Variants in LDHAL6A observed in about 807,000 individuals in gnomAD.
The protein encoded by LDHAL6A is lactate dehydrogenase A like 6A, also known as L-lactate dehydrogenase A-like 6A.
LDHAL6A carries 19 observed loss-of-function variants against 28.2 expected under a neutral mutation model. The observed-to-expected ratio is 0.67, with a 90% CI of 0.47 to 0.99. The LOEUF is 0.99. Among genes scored for constraint, LDHAL6A ranks in the 50% least tolerant of loss-of-function variants. The pLI, the probability that LDHAL6A is intolerant of heterozygous loss-of-function variation, is 0.00. For synonymous variants in LDHAL6A, 144 were observed against 134.4 expected (o/e 1.07, Z -0.49); for missense variants, 372 against 398.6 (o/e 0.93, Z 0.57).
chr11:18,465,022 T>C (rs1849028294), intron 2 of LDHAL6A, among the ~76,000 whole-genome samples: 1 of 148,838 alleles, frequency 6.7e-6, no homozygotes, highest in Non-Finnish European at 1.5e-5. Context: ...TGAGACAGTG[T>C]CTTGCTATGT....
chr11:18,471,882 A>G (rs1170988109), intron 3 of LDHAL6A, among the ~76,000 whole-genome samples: 4 of 150,364 alleles, frequency 2.7e-5, no homozygotes, highest in East Asian at 3.9e-4. Context: ...TTTACAAATT[A>G]AAAAGTTCCA....
chr11:18,463,892 G>T (rs758334555), intron 1 of LDHAL6A, 69 bp from the exon 2 acceptor site: 1 of 951,784 alleles, frequency 1.1e-6, no homozygotes, highest in Non-Finnish European at 1.7e-6. Flanking sequence ...ACCAATATAA[G>T]AATTTTCTTT....
At chr11:18,471,259 G>C (rs1849252058) in intron 3 of LDHAL6A, among the ~76,000 whole-genome samples, 1 of 149,514 alleles carries the variant, frequency 6.7e-6, no homozygotes, top group Non-Finnish European at 1.5e-5. Context: ...GCTCAGGCTG[G>C]AGTGCAGTGG....
intron 4 of LDHAL6A, 119 bp downstream of exon 4, chr11:18,475,758 T>C: frequency 1.4e-6 from 1 of 729,764 alleles, no homozygotes; most frequent in Admixed American, 3.6e-5. Flanking sequence ...TAGGCCCTTT[T>C]AGTAGCGTTT....
Position 18,467,904 on chromosome 11 carries a change from T to C in LDHAL6A, c.418+2094T>C, listed in dbSNP as rs111821037. Among the ~76,000 whole-genome samples, 16 of 72,954 alleles carry C rather than the reference T, an allele frequency of 2.2e-4. 1 individual carries two copies. The highest frequency in any genetic ancestry group is 1.4e-3 in the East Asian group (2 of 1,418). 47.9% of individuals were successfully genotyped at this position (72,954 alleles called of 152,430 possible). A position where few individuals can be genotyped will look rare whatever the true frequency, so the allele number is the denominator to read the frequency against. ...ACATATATATATATATATATATATA[T>C]ATATATATATATATACACACACATA... is the stretch of plus-strand genomic sequence containing the variant. On this transcript the variant is annotated intron_variant, in intron 3 of 6. Transcript: ENST00000280706.
At chr11:18,468,607 TG>T (rs1849182397) in intron 3 of LDHAL6A, 1 of 152,258 alleles carries the variant, frequency 6.6e-6, no homozygotes, top group Non-Finnish European at 1.5e-5. Flanking sequence ...CCCAAAGTGC[TG>T]GGACTACAGG....
intron 3 of LDHAL6A, chr11:18,469,304 C>T (rs957398111): frequency 6.1e-6 from 3 of 491,074 alleles, no homozygotes; most frequent in South Asian, 6.7e-5. Context: ...CCTCTACCCT[C>T]AAAGTACCGC....
At chr11:18,473,129 T>C (rs1174852916) in intron 3 of LDHAL6A, among the ~76,000 whole-genome samples, 2 of 152,206 alleles carry the variant, frequency 1.3e-5, no homozygotes, top group African/African-American at 4.8e-5. Context: ...ATAGAACACC[T>C]CTTCATTGTC....
intron 3 of LDHAL6A, among the ~76,000 whole-genome samples, chr11:18,467,584 C>T (rs928173447): frequency 4.6e-5 from 7 of 151,624 alleles, no homozygotes; most frequent in Admixed American, 6.6e-5. Flanking sequence ...TTGGGTCAGG[C>T]GTGGTGGCTC....
rs1226602760 is a variant in LDHAL6A, at chr11:18,462,642, ACAAACAAAC to A, written c.127-1318_127-1310del. Among the ~76,000 whole-genome samples the A allele has an allele frequency of 6.4e-4, 78 of 122,182 alleles. 1 individual carries two copies. The highest frequency in any genetic ancestry group is 1.6e-3 in the South Asian group (6 of 3,846). 80.2% of individuals were successfully genotyped at this position (122,182 alleles called of 152,430 possible). ...ACAGAGCAAGACTCTGTCTCAAAAA[ACAAACAAAC>A]AAACAAAAAAAAAAACAAAAAAAAC... is the stretch of plus-strand genomic sequence containing the variant. On this transcript the variant is annotated intron_variant, in intron 1 of 6. Transcript: ENST00000280706.
rs796410247 is a variant in LDHAL6A, at chr11:18,479,010, CT to C, written c.*152del. On this transcript the variant is annotated 3_prime_UTR_variant, in exon 7 of 7. Transcript: ENST00000280706. ...TGACCTATTTAGTATAGCCTTCCAGCTTTTTTTTTTTTCTTTTTTGGGAGGG... is the reference window on the plus strand; with the variant it reads ...TGACCTATTTAGTATAGCCTTCCAGCTTTTTTTTTTTCTTTTTTGGGAGGG... 0.13 allele frequency: 66,106 copies of C among 516,596 alleles called. No individual in the cohort carries two copies. The highest frequency in any genetic ancestry group is 0.18 in the South Asian group (6,332 of 34,842). The allele number at this position is 516,596 out of a possible 1,614,324, so 32.0% of individuals were successfully genotyped here. A position where few individuals can be genotyped will look rare whatever the true frequency, so the allele number is the denominator to read the frequency against.
chr11:18,477,833 C>A, intron 6 of LDHAL6A, 90 bp downstream of exon 6: 2 of 1,228,228 alleles, frequency 1.6e-6, no homozygotes, highest in East Asian at 2.6e-5. Context: ...TGGGTTTGAT[C>A]TCGTGGGAAG....
chr11:18,464,977 G>GTTTTGTTTTTTTTTTTTTTTTTTTTTT (rs1849014648), intron 2 of LDHAL6A, among the ~76,000 whole-genome samples: 1 of 125,490 alleles, frequency 8.0e-6, no homozygotes, highest in African/African-American at 3.4e-5. Context: ...TGTTTTTTTT[G>GTTTTGTTTTTTTTTTTTTTTTTTTTTT]TTTTTTTTTG....
intron 1 of LDHAL6A, among the ~76,000 whole-genome samples, chr11:18,457,168 G>A (rs1179517870): frequency 2.6e-5 from 4 of 152,090 alleles, no homozygotes; most frequent in African/African-American, 4.8e-5. Flanking sequence ...GGCAGCCTAC[G>A]AGTACCAAAT....
intron 1 of LDHAL6A, among the ~76,000 whole-genome samples, chr11:18,461,854 A>G (rs1180354591): frequency 8.0e-6 from 1 of 124,754 alleles, no homozygotes; most frequent in East Asian, 2.3e-4. Context: ...TCCGTCTCAA[A>G]AAAAAGAAAA....
rs111707257 is a variant in LDHAL6A at position 18,470,110 on chromosome 11, G to A, written c.418+4300G>A. On this transcript the variant is annotated intron_variant, in intron 3 of 6. Coordinates refer to ENST00000280706, the MANE Select transcript of LDHAL6A (RefSeq NM_144972.5). ...TGCCCAGCTAATTTTTGTATTTTTA[G>A]TACAGATGGGGTTTTACCATGTTAG... Among the ~76,000 whole-genome samples, 992 of 152,244 alleles carry A rather than the reference G, an allele frequency of 6.5e-3. 8 individuals carry two copies. The highest frequency in any genetic ancestry group is 0.023 in the African/African-American group (951 of 41,538).
chr11:18,459,309 G>A (rs746902971), intron 1 of LDHAL6A, among the ~76,000 whole-genome samples: 1 of 152,126 alleles, frequency 6.6e-6, no homozygotes, highest in Non-Finnish European at 1.5e-5. Flanking sequence ...TCTTTCTTTC[G>A]TGCTGGATGC....
chr11:18,478,168 T>C (rs2133894403), intron 6 of LDHAL6A, among the ~76,000 whole-genome samples: 1 of 152,206 alleles, frequency 6.6e-6, no homozygotes, highest in South Asian at 2.1e-4. Flanking sequence ...AGTTGGGGCA[T>C]GGGTGAGATC....
rs1464723926 is a variant in LDHAL6A at position 18,456,413 on chromosome 11, C to CTT, written c.-267_-266insTT. On this transcript the variant is annotated 5_prime_UTR_variant, in exon 1 of 7. It removes the in-frame stop codon of an upstream open reading frame in the 5' UTR. Coordinates refer to ENST00000280706, the MANE Select transcript of LDHAL6A (RefSeq NM_144972.5). ...AGCAACCCCTGTTCCTTTCCTCTCT[C>CTT]TCTCTCTTAATTCCTCTTAACTGTA... 1 of 368,226 alleles carries CTT rather than the reference C, an allele frequency of 2.7e-6. No individual in the cohort carries two copies. The highest frequency in any genetic ancestry group is 4.9e-6 in the Non-Finnish European group (1 of 204,594). The allele number at this position is 368,226 out of a possible 1,614,324, so 22.8% of individuals were successfully genotyped here.
Sources: gnomAD v4.1 joint callset for allele counts (sites outside exome capture counted in the v4.1 genomes callset) on GRCh38, gnomAD v4.1.1 for gene constraint, MANE v1.5 for transcripts, NCBI Gene and HGNC (gene_info 2026-07-23, HGNC 2026-07-21) for gene names.